The following GATA5 variants were observed in gnomAD, a reference collection of about 807,000 sequenced individuals.
GATA5 encodes the protein GATA binding protein 5.
A neutral mutation model predicts 35.0 loss-of-function variants in GATA5; 27 were observed. That is an observed-to-expected ratio of 0.77 (90% CI 0.57 to 1.06). The LOEUF is 1.06. GATA5 is among the 50% of genes least tolerant of loss of function. The pLI, the probability that GATA5 is intolerant of heterozygous loss-of-function variation, is 0.00. For synonymous variants in GATA5, 306 were observed against 267.8 expected (o/e 1.14, Z -1.39); for missense variants, 612 against 580.0 (o/e 1.06, Z -0.57).
At chr20:62,475,627 C>A in intron 1 of GATA5, 85 bp from the exon 2 acceptor site, 1 of 935,012 alleles carries the variant, frequency 1.1e-6, no homozygotes, top group African/African-American at 1.7e-5. Flanking sequence ...CAGGTGCCGC[C>A]GCTTCGGGCA....
intron 3 of GATA5, among the ~76,000 whole-genome samples, 156 bp downstream of exon 3, chr20:62,473,247 C>T (rs189153735): frequency 9.5e-4 from 144 of 152,368 alleles, no homozygotes; most frequent in Admixed American, 1.8e-3. Context: ...AGACCTGAGC[C>T]GGCCTGACCT....
chr20:62,466,959 C>T (rs912850800), intron 3 of GATA5, among the ~76,000 whole-genome samples: 10 of 152,242 alleles, frequency 6.6e-5, no homozygotes, highest in Non-Finnish European at 1.3e-4. Flanking sequence ...ACACAACAAG[C>T]GTCAGGGCCT....
In GATA5 at chr20:62,465,363, G is replaced by T; in HGVS notation, c.1015C>A (p.Pro339Thr). The stretch of plus-strand genomic sequence containing the variant: ...ACCTGGGGGGCCATGCTGGGCCCAG[G>T]GCACACTGGGGACGCCAGGCTGGGC... The part of the protein sequence containing the change: ...AKPSLASPVC[P>T]GPSMAPQASG... Residue 339 changes from proline (P) to threonine (T), a missense_variant, in exon 6 of 7, where the codon CCT becomes ACT. Coordinates refer to ENST00000252997, the MANE Select transcript of GATA5 (RefSeq NM_080473.5). 6.2e-7 allele frequency: 1 copy of T among 1,602,170 alleles called. No individual in the cohort carries two copies. Among genetic ancestry groups the T allele is most frequent in the Non-Finnish European group, 8.5e-7 (1 of 1,179,346 alleles).
chr20:62,473,697 T>A (rs2146488681), intron 2 of GATA5, 119 bp from the exon 3 acceptor site: 1 of 842,798 alleles, frequency 1.2e-6, no homozygotes, highest in Non-Finnish European at 1.8e-6. Context: ...CGAATAAACT[T>A]AAGGCACAAA....
Position 62,475,257 on chromosome 20 carries a change from C to T in GATA5, c.265G>A (p.Gly89Arg), listed in dbSNP as rs1989826774. 1.6e-6 allele frequency: 2 copies of T among 1,245,366 alleles called. No individual in the cohort carries two copies. Among genetic ancestry groups the T allele is most frequent in the Non-Finnish European group, 2.0e-6 (2 of 994,822 alleles). 77.1% of individuals were successfully genotyped at this position (1,245,366 alleles called of 1,614,324 possible). Residue 89 changes from glycine (G) to arginine (R), a missense_variant, in exon 2 of 7, where the codon GGG (glycine) becomes AGG (arginine). Coordinates refer to ENST00000252997, the MANE Select transcript of GATA5 (RefSeq NM_080473.5). ...TGCGCGAAAGGGAAGGCGGTGGCCC[C>T]GGGCGGGTGCGCGGCTGGGGGGTGC... is the stretch of plus-strand genomic sequence containing the variant. ...SPHPPAAHPP[G>R]ATAFPFAHSP...
In GATA5 at chr20:62,470,144, T is replaced by A. The variant is rs1989687934; in HGVS notation, c.699+3259A>T. Among the ~76,000 whole-genome samples, 1 of 152,236 alleles carries A rather than the reference T, an allele frequency of 6.6e-6. No homozygotes were observed. Among genetic ancestry groups the A allele is most frequent in the Non-Finnish European group, 1.5e-5 (1 of 68,048 alleles). ...GCCGCTCTAAGCACCAGGCTCTGTG[T>A]GCATCTGAGACATCCAAATAAATCA... On this transcript the variant is annotated intron_variant, in intron 3 of 6. Coordinates refer to ENST00000252997, the MANE Select transcript of GATA5 (RefSeq NM_080473.5). The surrounding 1 kb of genome is among the most constrained non-coding windows in gnomAD (Gnocchi z 4.6).
Position 62,475,338 on chromosome 20 carries a change from G to T in GATA5, c.184C>A (p.Pro62Thr), listed in dbSNP as rs2146490671. 2 of 1,254,738 alleles carry T rather than the reference G, an allele frequency of 1.6e-6. No homozygotes were observed. The highest frequency in any genetic ancestry group is 2.0e-6 in the Non-Finnish European group (2 of 998,970). The allele number at this position is 1,254,738 out of a possible 1,614,324, so 77.7% of individuals were successfully genotyped here. Residue 62 changes from proline (P) to threonine (T), a missense_variant, in exon 2 of 7, where the codon CCC becomes ACC. Coordinates refer to ENST00000252997, the MANE Select transcript of GATA5 (RefSeq NM_080473.5). The part of the protein sequence containing the change: ...SPQPPELAAR[P>T]GWAQTATADS... ...GCGGTGGCTGTCTGCGCCCAGCCGGGGCGCGCAGCGAGCTCGGGGGGCTGC... is the reference window on the plus strand; with the variant it reads ...GCGGTGGCTGTCTGCGCCCAGCCGGTGCGCGCAGCGAGCTCGGGGGGCTGC...
At chr20:62,465,724 C>T in intron 5 of GATA5, 110 bp downstream of exon 5, 3 of 971,120 alleles carry the variant, frequency 3.1e-6, no homozygotes, top group Admixed American at 2.1e-5. Flanking sequence ...GGCATTTGGA[C>T]TTCCAGAGGA....
chr20:62,473,602 G>T, intron 2 of GATA5, 24 bp from the exon 3 acceptor site: 1 of 1,561,974 alleles, frequency 6.4e-7, no homozygotes, highest in Non-Finnish European at 8.7e-7. Flanking sequence ...CAGCTGGTGG[G>T]CCCGGGCCCT....
rs781974998 is a variant in GATA5, at chr20:62,464,319, C to T, written c.*517G>A. 38 of 152,384 alleles carry T rather than the reference C, an allele frequency of 2.5e-4. No individual in the cohort carries two copies. The highest frequency in any genetic ancestry group is 4.7e-4 in the Non-Finnish European group (32 of 68,168). The allele number at this position is 152,384 out of a possible 1,614,324, so 9.4% of individuals were successfully genotyped here. A position where few individuals can be genotyped will look rare whatever the true frequency, so the allele number is the denominator to read the frequency against. On this transcript the variant is annotated 3_prime_UTR_variant, in exon 7 of 7. Coordinates refer to ENST00000252997, the MANE Select transcript of GATA5 (RefSeq NM_080473.5). Reference sequence around the variant, plus strand: ...GGAAAAGTTCTCTGCACCACAGCTCCGTCTATCCATGTGGGCAATGAAGGA... The same window carrying T: ...GGAAAAGTTCTCTGCACCACAGCTCTGTCTATCCATGTGGGCAATGAAGGA...
chr20:62,465,708 G>T, intron 5 of GATA5, 126 bp downstream of exon 5: 1 of 896,788 alleles, frequency 1.1e-6, no homozygotes, highest in Non-Finnish European at 1.7e-6. Flanking sequence ...ACAGGGCAGA[G>T]CTGGGGGCAT....
At position 62,471,278 on chromosome 20, in the gene GATA5, A is replaced by G. The variant is rs1471926643; in HGVS notation, c.699+2125T>C. Among the ~76,000 whole-genome samples the G allele has an allele frequency of 2.0e-5, 3 of 151,854 alleles. No homozygotes were observed. In the East Asian group the frequency reaches 5.8e-4, roughly 29 times the overall value. ...TGGGGAGAGTGGATACAGCCAGAGG[A>G]GGGGCAGCCCTTTGCATGGGTGAGG... On this transcript the variant is annotated intron_variant, in intron 3 of 6. Coordinates refer to ENST00000252997, the MANE Select transcript of GATA5 (RefSeq NM_080473.5).
At chr20:62,465,797 G>T in intron 5 of GATA5, 37 bp downstream of exon 5, 2 of 1,499,524 alleles carry the variant, frequency 1.3e-6, no homozygotes, top group Non-Finnish European at 1.8e-6. Context: ...AGGCCACTCC[G>T]CAGGAGCGGG....
rs868952529 is a variant in GATA5 at position 62,475,234 on chromosome 20, C to T, written c.288G>A (p.Ala96=). 3 of 1,247,690 alleles carry T rather than the reference C, an allele frequency of 2.4e-6. No homozygotes were observed. The East Asian group carries it at 9.5e-5, about 39-fold the overall frequency. The allele number at this position is 1,247,690 out of a possible 1,614,324, so 77.3% of individuals were successfully genotyped here. A position where few individuals can be genotyped will look rare whatever the true frequency, so the allele number is the denominator to read the frequency against. ...CGCTGCCGGGCCCCGAGGGGCTGTG[C>T]GCGAAAGGGAAGGCGGTGGCCCCGG... ...HPPGATAFPF[A]HSPSGPGSGG... Residue 96 remains alanine (A), a synonymous_variant, in exon 2 of 7, where the codon GCG becomes GCA. Coordinates refer to ENST00000252997, the MANE Select transcript of GATA5 (RefSeq NM_080473.5).
At chr20:62,473,693 A>C (rs1290469493) in intron 2 of GATA5, 115 bp from the exon 3 acceptor site, 2 of 873,278 alleles carry the variant, frequency 2.3e-6, no homozygotes, top group Non-Finnish European at 3.5e-6. Flanking sequence ...CAGACGAATA[A>C]ACTTAAGGCA....
At chr20:62,472,439 C>T (rs916636361) in intron 3 of GATA5, among the ~76,000 whole-genome samples, 19 of 152,192 alleles carry the variant, frequency 1.2e-4, no homozygotes, top group African/African-American at 3.9e-4. Context: ...AACAGCCACC[C>T]GGCAAGGACA....
At chr20:62,467,839 G>A (rs1555896226) in intron 3 of GATA5, among the ~76,000 whole-genome samples, 1 of 152,256 alleles carries the variant, frequency 6.6e-6, no homozygotes, top group Non-Finnish European at 1.5e-5. Flanking sequence ...TCCTGGACGA[G>A]GGCTGAGCAG....
At position 62,464,789 on chromosome 20, in the gene GATA5, G is replaced by A. The variant is rs782799636; in HGVS notation, c.*47C>T. 6.0e-6 allele frequency: 9 copies of A among 1,491,648 alleles called. No homozygotes were observed. Among genetic ancestry groups the A allele is most frequent in the Non-Finnish European group, 8.1e-6 (9 of 1,113,464 alleles). The allele number at this position is 1,491,648 out of a possible 1,614,324, so 92.4% of individuals were successfully genotyped here. A position where few individuals can be genotyped will look rare whatever the true frequency, so the allele number is the denominator to read the frequency against. ...AAGCAGGCACGGAGGTGACTCAGTG[G>A]GTGGTCTGTTCCAGGCTGTTCCCCT... On this transcript the variant is annotated 3_prime_UTR_variant, in exon 7 of 7. Transcript: ENST00000252997.
In GATA5 at chr20:62,466,703, T is replaced by C. The variant is rs977710714; in HGVS notation, c.700-152A>G. 1.1e-4 allele frequency: 93 copies of C among 867,256 alleles called. No homozygotes were observed. In the African/African-American group the frequency reaches 1.5e-3, roughly 14 times the overall value. 53.7% of individuals were successfully genotyped at this position (867,256 alleles called of 1,614,324 possible). ...AATGGCCTCGCCTGGCAGCTCTGCCTGGACACGCTCTCGAGCCCTGGGAAA... is the reference window on the plus strand; with the variant it reads ...AATGGCCTCGCCTGGCAGCTCTGCCCGGACACGCTCTCGAGCCCTGGGAAA... On this transcript the variant is annotated intron_variant, in intron 3 of 6. Coordinates refer to ENST00000252997, the MANE Select transcript of GATA5 (RefSeq NM_080473.5).
Sources: allele counts gnomAD v4.1 joint callset (sites outside exome capture counted in the v4.1 genomes callset), GRCh38; gene constraint gnomAD v4.1.1; non-coding constraint Gnocchi (gnomAD v3.1); transcripts MANE v1.5; gene names NCBI Gene and HGNC (gene_info 2026-07-23, HGNC 2026-07-21).